The following CABLES1 variants were observed in gnomAD, a reference collection of about 807,000 sequenced individuals.
The protein encoded by CABLES1 is Cdk5 and Abl enzyme substrate 1.
A neutral mutation model predicts 57.8 loss-of-function variants in CABLES1; 36 were observed. The ratio of observed to expected loss-of-function variants is 0.62; its 90% CI spans 0.48 to 0.82. The LOEUF (loss-of-function observed/expected upper bound fraction) is 0.82, where lower values mean the gene tolerates loss of function less well. CABLES1 is among the 40% of genes least tolerant of loss of function. The pLI is 0.00. For synonymous variants in CABLES1, 374 were observed against 363.0 expected (o/e 1.03, Z -0.35); for missense variants, 767 against 836.6 (o/e 0.92, Z 1.03).
chr18:23,197,205 A>G (rs2047290501), intron 3 of CABLES1: 1 of 152,246 alleles, frequency 6.6e-6, no homozygotes, highest in Non-Finnish European at 1.5e-5. Flanking sequence ...AAAACAAAAC[A>G]AAAAACTTAA....
chr18:23,164,640 A>G (rs2047028472), intron 1 of CABLES1, among the ~76,000 whole-genome samples: 1 of 150,766 alleles, frequency 6.6e-6, no homozygotes, highest in Non-Finnish European at 1.5e-5. Flanking sequence ...CAGAGAGTAC[A>G]GACCACCACA....
chr18:23,172,425 A>T (rs1265747232), intron 1 of CABLES1, among the ~76,000 whole-genome samples: 1 of 152,232 alleles, frequency 6.6e-6, no homozygotes, highest in Non-Finnish European at 1.5e-5. Context: ...AGGTCCACAG[A>T]TCCCCAAGAG....
chr18:23,246,847 C>T (rs2047907612), intron 7 of CABLES1, among the ~76,000 whole-genome samples: 1 of 150,254 alleles, frequency 6.7e-6, no homozygotes, highest in East Asian at 1.9e-4. Flanking sequence ...CATGCACCAC[C>T]ACGCCCAGCT....
intron 1 of CABLES1, among the ~76,000 whole-genome samples, chr18:23,148,356 A>G (rs2046906795): frequency 6.6e-6 from 1 of 152,082 alleles, no homozygotes; most frequent in Admixed American, 6.6e-5. Context: ...CTGTGTGGCC[A>G]TGATGTGGAG....
intron 4 of CABLES1, among the ~76,000 whole-genome samples, chr18:23,226,764 T>A (rs2047530980): frequency 6.6e-6 from 1 of 152,172 alleles, no homozygotes; most frequent in Non-Finnish European, 1.5e-5. Flanking sequence ...TGCTCTTTAC[T>A]TCCTGAGATC....
At chr18:23,146,186 C>T (rs577077092) in intron 1 of CABLES1, among the ~76,000 whole-genome samples, 1 of 152,168 alleles carries the variant, frequency 6.6e-6, no homozygotes, top group South Asian at 2.1e-4. Context: ...GGCTGGGTGG[C>T]GGGGTAGAGG....
At chr18:23,226,258 C>T (rs58679455) in intron 4 of CABLES1, among the ~76,000 whole-genome samples, 6,958 of 152,092 alleles carry the variant, frequency 0.046, 561 homozygotes, top group Admixed American at 0.21. Flanking sequence ...AAAAATTAGC[C>T]GGGCATGGTG....
chr18:23,194,432 T>C lies in CABLES1; in HGVS notation c.918-16T>C. ...CAGGCAACTGACTGTGTTTTTGAAA[T>C]GACTTTATTTTTCAGATGTCGAACT... On this transcript the variant is annotated splice_polypyrimidine_tract_variant and intron_variant, in intron 2 of 9. Transcript: ENST00000256925. The C allele has an allele frequency of 1.3e-6, 2 of 1,552,394 alleles. No homozygotes were observed. Among genetic ancestry groups the C allele is most frequent in the Non-Finnish European group, 1.8e-6 (2 of 1,123,982 alleles).
intron 1 of CABLES1, among the ~76,000 whole-genome samples, chr18:23,178,810 G>C (rs1364962368): frequency 6.6e-6 from 1 of 152,150 alleles, no homozygotes; most frequent in Non-Finnish European, 1.5e-5. Flanking sequence ...AGTAAACTCA[G>C]GCAAGCCAAG....
chr18:23,186,763 AG>A (rs1412724792), intron 1 of CABLES1, among the ~76,000 whole-genome samples: 1 of 152,094 alleles, frequency 6.6e-6, no homozygotes, highest in East Asian at 1.9e-4. Flanking sequence ...TTTGGACCCC[AG>A]GATTGCAATT....
chr18:23,147,141 C>G (rs1037415995), intron 1 of CABLES1, among the ~76,000 whole-genome samples: 3 of 152,228 alleles, frequency 2.0e-5, no homozygotes, highest in Non-Finnish European at 4.4e-5. Flanking sequence ...TTCCCAATAA[C>G]AACAGCTCTC....
In CABLES1 at chr18:23,135,904, CCG is replaced by C; in HGVS notation, c.144_145del (p.Pro49ArgfsTer250). 1 of 1,075,562 alleles carries C rather than the reference CCG, an allele frequency of 9.3e-7. No individual in the cohort carries two copies. 66.6% of individuals were successfully genotyped at this position (1,075,562 alleles called of 1,614,324 possible). A position where few individuals can be genotyped will look rare whatever the true frequency, so the allele number is the denominator to read the frequency against. Reference protein sequence around the residue: ...QPAAAAPAQPPPEPPRKPRMD... With the variant: ...QPAAAAPAQPXPEPPRKPRMD... Reference sequence around the variant, plus strand: ...CGCGGCCGCCGCGCCGGCCCAGCCGCCGCCCGAACCCCCCCGGAAGCCGCGCA... The same window carrying C: ...CGCGGCCGCCGCGCCGGCCCAGCCGCCCCGAACCCCCCCGGAAGCCGCGCA... On this transcript the variant is annotated frameshift_variant, in exon 1 of 10. Transcript: ENST00000256925. LOFTEE classifies it high-confidence loss of function.
intron 3 of CABLES1, among the ~76,000 whole-genome samples, chr18:23,208,915 T>G (rs867314448): frequency 1.3e-5 from 2 of 152,204 alleles, no homozygotes; most frequent in African/African-American, 4.8e-5. Flanking sequence ...AATGGCCTTC[T>G]TCCCTTCGTG....
At chr18:23,157,218 C>T (rs898071194) in intron 1 of CABLES1, among the ~76,000 whole-genome samples, 4 of 152,104 alleles carry the variant, frequency 2.6e-5, no homozygotes, top group Non-Finnish European at 4.4e-5. Flanking sequence ...GGCTTAACCC[C>T]ATCTCTGTTT....
At chr18:23,205,553 A>G (rs1372745290) in intron 3 of CABLES1, among the ~76,000 whole-genome samples, 1 of 152,002 alleles carries the variant, frequency 6.6e-6, no homozygotes, top group African/African-American at 2.4e-5. Flanking sequence ...TTAGCCCCCA[A>G]AATTCCTGTG....
intron 4 of CABLES1, among the ~76,000 whole-genome samples, chr18:23,229,137 GCACGGTGGCT>G (rs1479652899): frequency 6.6e-6 from 1 of 152,200 alleles, no homozygotes; most frequent in Non-Finnish European, 1.5e-5. Context: ...GTAGGGCCAG[GCACGGTGGCT>G]CACGGCTGCA....
At chr18:23,254,022 C>T (rs1367369057) in intron 9 of CABLES1, 86 bp downstream of exon 9, 2 of 1,131,958 alleles carry the variant, frequency 1.8e-6, no homozygotes, top group Non-Finnish European at 2.6e-6. Flanking sequence ...AGTGACCCTG[C>T]CTGGAAGGAT....
intron 3 of CABLES1, among the ~76,000 whole-genome samples, chr18:23,200,272 T>G (rs1676126166): frequency 6.6e-6 from 1 of 151,666 alleles, no homozygotes; most frequent in South Asian, 2.1e-4. Context: ...GGTAGATTTT[T>G]TTTTTTAGAT....
chr18:23,215,545 T>A (rs1458899061), intron 4 of CABLES1, among the ~76,000 whole-genome samples: 5 of 152,148 alleles, frequency 3.3e-5, no homozygotes, highest in Non-Finnish European at 7.4e-5. Context: ...ATCAGCCTCG[T>A]TTCTCTGGGT....
Sources: allele counts gnomAD v4.1 joint callset (sites outside exome capture counted in the v4.1 genomes callset), GRCh38; gene constraint gnomAD v4.1.1; transcripts MANE v1.5; gene names NCBI Gene and HGNC (gene_info 2026-07-23, HGNC 2026-07-21).